The following ZDHHC15 variants were observed in gnomAD, a reference collection of about 807,000 sequenced individuals.
ZDHHC15 encodes palmitoyltransferase ZDHHC15.
ZDHHC15 carries 19 observed loss-of-function variants against 31.7 expected under a neutral mutation model. That is an observed-to-expected ratio of 0.60 (90% confidence interval 0.42 to 0.88). The LOEUF (loss-of-function observed/expected upper bound fraction) is 0.88. Ranked by LOEUF, ZDHHC15 falls within the 40% of genes least tolerant of loss-of-function variation. The pLI is 0.00. For missense variants in ZDHHC15, 209 were observed against 251.2 expected (o/e 0.83, Z 1.14); for synonymous variants, 103 against 90.0 (o/e 1.14, Z -0.82).
At chrX:75,478,027 C>T (rs958951623) in intron 3 of ZDHHC15, among the ~76,000 whole-genome samples, 14 of 111,132 alleles carry the variant, frequency 1.3e-4, no homozygotes, top group Admixed American at 1.9e-4. Context: ...TCCTAATGTT[C>T]GGAGGCTGGA....
At chrX:75,401,922 A>C (rs1337991591) in intron 10 of ZDHHC15, among the ~76,000 whole-genome samples, 1 of 112,301 alleles carries the variant, frequency 8.9e-6, no homozygotes, top group Non-Finnish European at 1.9e-5. Flanking sequence ...TCCACCCAAA[A>C]ACAACAGAAT....
chrX:75,461,981 C>CTATA (rs936709500), intron 3 of ZDHHC15, among the ~76,000 whole-genome samples: 1 of 111,674 alleles, frequency 9.0e-6, no homozygotes, highest in African/African-American at 3.3e-5. Flanking sequence ...AAGACACAGA[C>CTATA]TATAAATCTG....
chrX:75,435,948 T>C (rs1421182578), intron 4 of ZDHHC15, among the ~76,000 whole-genome samples: 1 of 112,035 alleles, frequency 8.9e-6, no homozygotes, highest in Non-Finnish European at 1.9e-5. Context: ...TCTGATAGAA[T>C]TCAGCTGTGA....
intron 2 of ZDHHC15, among the ~76,000 whole-genome samples, chrX:75,492,946 G>A (rs2084923880): frequency 9.0e-6 from 1 of 111,459 alleles, no homozygotes. Flanking sequence ...CAGAACTGAA[G>A]GAAATAGAGA....
At chrX:75,502,459 A>G (rs1331398396) in intron 2 of ZDHHC15, among the ~76,000 whole-genome samples, 1 of 112,212 alleles carries the variant, frequency 8.9e-6, no homozygotes, top group East Asian at 2.8e-4. Flanking sequence ...TCTGTTTCTG[A>G]AAAGGTAAAT....
intron 10 of ZDHHC15, among the ~76,000 whole-genome samples, chrX:75,408,610 A>G (rs2083446988): frequency 8.9e-6 from 1 of 112,025 alleles, no homozygotes; most frequent in Non-Finnish European, 1.9e-5. Context: ...AAGCAATCAG[A>G]TAAGAGAAAT....
intron 10 of ZDHHC15, among the ~76,000 whole-genome samples, chrX:75,392,154 C>A (rs1454809866): frequency 1.8e-5 from 2 of 112,093 alleles, no homozygotes; most frequent in African/African-American, 3.2e-5. Flanking sequence ...CACATGATCA[C>A]AAGGTCTCAA....
intron 4 of ZDHHC15, among the ~76,000 whole-genome samples, chrX:75,433,324 T>A (rs1042863153): frequency 9.0e-6 from 1 of 110,752 alleles, no homozygotes; most frequent in South Asian, 3.9e-4. Context: ...AGGTGGTGTT[T>A]GGTTACATGG....
chrX:75,398,592 C>A (rs1331693893), intron 10 of ZDHHC15, among the ~76,000 whole-genome samples: 2 of 111,353 alleles, frequency 1.8e-5, no homozygotes, highest in South Asian at 7.5e-4. Flanking sequence ...GCTGCTTTAA[C>A]AAAACATGGC....
chrX:75,373,780 G>C (rs1204304099), intron 11 of ZDHHC15, among the ~76,000 whole-genome samples: 2 of 110,340 alleles, frequency 1.8e-5, no homozygotes, highest in Non-Finnish European at 3.8e-5. Flanking sequence ...TGGTAAATGA[G>C]GTATCCATCA....
intron 9 of ZDHHC15, among the ~76,000 whole-genome samples, chrX:75,420,260 A>T (rs1364139562): frequency 9.0e-6 from 1 of 111,531 alleles, no homozygotes; most frequent in East Asian, 2.8e-4. Flanking sequence ...ATGAGACACC[A>T]TCTCATGCCA....
At chrX:75,434,875 T>C (rs181397609) in intron 4 of ZDHHC15, among the ~76,000 whole-genome samples, 1 of 112,214 alleles carries the variant, frequency 8.9e-6, no homozygotes, top group East Asian at 2.8e-4. Flanking sequence ...CTGTGAAGAA[T>C]GATGGTGGTA....
intron 2 of ZDHHC15, among the ~76,000 whole-genome samples, chrX:75,479,396 A>G (rs1403439209): frequency 1.8e-5 from 2 of 112,300 alleles, no homozygotes; most frequent in African/African-American, 6.5e-5. Flanking sequence ...AATTTGTAAG[A>G]TAGGTAATAA....
At chrX:75,496,318 T>C (rs778629885) in intron 2 of ZDHHC15, among the ~76,000 whole-genome samples, 77 of 111,565 alleles carry the variant, frequency 6.9e-4, no homozygotes, top group Non-Finnish European at 1.3e-3. Flanking sequence ...ATCCTAAATA[T>C]ATATGCACCT....
rs2147738079 is a variant in ZDHHC15 at position 75,370,184 on chromosome X, C to T, written c.*2794G>A. ...AAGAGCACTAGAAAGTGACATAGCA[C>T]CCTTCAGCAGTAGGATCCTAACAAT... On this transcript the variant is annotated 3_prime_UTR_variant, in exon 12 of 12. Coordinates refer to ENST00000373367, the MANE Select transcript of ZDHHC15 (RefSeq NM_144969.3). The T allele has an allele frequency of 9.0e-6, 1 of 111,578 alleles. No homozygotes were observed. Among genetic ancestry groups the T allele is most frequent in the Non-Finnish European group, 1.9e-5 (1 of 53,129 alleles). 9.2% of individuals were successfully genotyped at this position (111,578 alleles called of 1,213,427 possible).
chrX:75,474,297 C>A (rs981402093), intron 3 of ZDHHC15, among the ~76,000 whole-genome samples: 2 of 109,330 alleles, frequency 1.8e-5, no homozygotes, highest in Admixed American at 9.9e-5. Context: ...CTGTGCTGGA[C>A]CTTTCATGCC....
intron 3 of ZDHHC15, among the ~76,000 whole-genome samples, chrX:75,462,875 G>A (rs189370076): frequency 6.3e-5 from 7 of 110,966 alleles, no homozygotes; most frequent in Middle Eastern, 4.7e-3. Context: ...AGAACCAAGA[G>A]CAAAGAAACA....
intron 3 of ZDHHC15, among the ~76,000 whole-genome samples, chrX:75,469,863 C>T (rs1410645392): frequency 8.9e-6 from 1 of 112,025 alleles, no homozygotes; most frequent in Non-Finnish European, 1.9e-5. Context: ...GTTCCAATTT[C>T]TTTACATCTT....
At chrX:75,445,596 C>T (rs1014523596) in intron 4 of ZDHHC15, among the ~76,000 whole-genome samples, 2 of 111,723 alleles carry the variant, frequency 1.8e-5, no homozygotes, top group Non-Finnish European at 3.8e-5. Flanking sequence ...AAAGGAGATG[C>T]TTATTGCATG....
Sources: gnomAD v4.1 joint callset for allele counts (sites outside exome capture counted in the v4.1 genomes callset) on GRCh38, gnomAD v4.1.1 for gene constraint, MANE v1.5 for transcripts, NCBI Gene and HGNC (gene_info 2026-07-23, HGNC 2026-07-21) for gene names.